SNX29: variants seen among roughly 807,000 people sequenced by gnomAD.
The protein encoded by SNX29 is sorting nexin 29.
A neutral mutation model predicts 102.1 loss-of-function variants in SNX29; 78 were observed. The ratio of observed to expected loss-of-function variants is 0.76; its 90% CI spans 0.64 to 0.92. The LOEUF (loss-of-function observed/expected upper bound fraction) is 0.92. SNX29 is among the 40% of genes least tolerant of loss of function. The pLI, the probability that SNX29 is intolerant of heterozygous loss-of-function variation, is 0.00. For missense variants in SNX29, 1,280 were observed against 1,061.7 expected (o/e 1.21, Z -2.86); for synonymous variants, 580 against 414.5 (o/e 1.40, Z -4.85).
intron 15 of SNX29, among the ~76,000 whole-genome samples, chr16:12,309,888 C>T (rs2080472927): frequency 6.6e-6 from 1 of 152,182 alleles, no homozygotes. Flanking sequence ...TGTGTATCCC[C>T]TCAACTCTGC....
chr16:12,065,293 C>G (rs771737295), intron 9 of SNX29, among the ~76,000 whole-genome samples: 5 of 152,126 alleles, frequency 3.3e-5, no homozygotes, highest in African/African-American at 1.2e-4. Context: ...CTGAGCAAAG[C>G]AAATTCACCA....
chr16:12,496,554 A>G (rs1037195700), intron 19 of SNX29, among the ~76,000 whole-genome samples: 2 of 128,798 alleles, frequency 1.6e-5, no homozygotes, highest in African/African-American at 3.2e-5. Context: ...TCTGTTTCCC[A>G]GGCTAGAGTG....
At chr16:12,384,951 A>T (rs997425550) in intron 16 of SNX29, among the ~76,000 whole-genome samples, 1 of 152,182 alleles carries the variant, frequency 6.6e-6, no homozygotes, top group African/African-American at 2.4e-5. Flanking sequence ...CAGGTGGATC[A>T]CCTGAGGTCA....
intron 19 of SNX29, among the ~76,000 whole-genome samples, chr16:12,518,877 T>G (rs2089982102): frequency 6.6e-6 from 1 of 152,224 alleles, no homozygotes; most frequent in African/African-American, 2.4e-5. Flanking sequence ...TGCAGGTCTC[T>G]GACAGCCTCA....
rs79687561 is a variant in SNX29 at position 12,276,513 on chromosome 16, A to G, written c.1679-1420A>G. 8.3e-3 allele frequency among the ~76,000 whole-genome samples: 1,263 copies of G among 152,202 alleles called. 10 individuals are homozygous for G. Among genetic ancestry groups the G allele is most frequent in the African/African-American group, 0.01 (434 of 41,526 alleles). On this transcript the variant is annotated intron_variant, in intron 14 of 20. Coordinates refer to ENST00000566228, the MANE Select transcript of SNX29 (RefSeq NM_032167.5). ...GACTTTCACCTTCTTCCTGAAGGCT[A>G]CCCGCATCACTGGGGGGCTAGTCTC...
At chr16:12,519,720 G>A (rs1270929176) in intron 19 of SNX29, among the ~76,000 whole-genome samples, 1 of 152,200 alleles carries the variant, frequency 6.6e-6, no homozygotes, top group Non-Finnish European at 1.5e-5. Context: ...AATCCGTGAT[G>A]TCTCACACCT....
At position 12,572,339 on chromosome 16, in the gene SNX29, G is replaced by A. The variant is rs980526508; in HGVS notation, c.*3710G>A. The A allele has an allele frequency of 8.5e-6, 9 of 1,063,066 alleles. No homozygotes were observed. The highest frequency in any genetic ancestry group is 1.6e-5 in the African/African-American group (1 of 60,952). 65.9% of individuals were successfully genotyped at this position (1,063,066 alleles called of 1,614,324 possible). ...AAACAGGAGTGAAGCCCACCAGCCTGCCTGGTTGATGGACAGCAGGCTCTG... is the reference window on the plus strand; with the variant it reads ...AAACAGGAGTGAAGCCCACCAGCCTACCTGGTTGATGGACAGCAGGCTCTG... On this transcript the variant is annotated 3_prime_UTR_variant, in exon 21 of 21. Transcript: ENST00000566228.
chr16:12,211,868 A>T (rs2077193205), intron 14 of SNX29, among the ~76,000 whole-genome samples: 1 of 152,304 alleles, frequency 6.6e-6, no homozygotes, highest in Non-Finnish European at 1.5e-5. Flanking sequence ...TGTTAATCTC[A>T]TTTAAAAAAT....
intron 14 of SNX29, among the ~76,000 whole-genome samples, chr16:12,276,556 C>T (rs1596726277): frequency 6.6e-6 from 1 of 152,214 alleles, no homozygotes; most frequent in South Asian, 2.1e-4. Flanking sequence ...TGTTTAGCCT[C>T]ACTGCCCCTC....
chr16:12,510,896 G>T (rs768832497), intron 19 of SNX29, among the ~76,000 whole-genome samples: 1 of 152,156 alleles, frequency 6.6e-6, no homozygotes, highest in Non-Finnish European at 1.5e-5. Context: ...GTGGAGGGTA[G>T]AAGGAGTCAT....
chr16:12,188,901 T>G (rs1429113520), intron 13 of SNX29, among the ~76,000 whole-genome samples: 1 of 152,194 alleles, frequency 6.6e-6, no homozygotes, highest in East Asian at 1.9e-4. Context: ...AAAGGAAAAG[T>G]TACCCAGACT....
chr16:12,462,167 G>C (rs1247656990), intron 18 of SNX29, among the ~76,000 whole-genome samples: 7 of 151,230 alleles, frequency 4.6e-5, no homozygotes. Context: ...CATAGGTCTA[G>C]TCCCCAGCGA....
intron 9 of SNX29, among the ~76,000 whole-genome samples, chr16:12,068,055 T>C (rs2051118144): frequency 1.3e-5 from 2 of 152,182 alleles, no homozygotes; most frequent in South Asian, 4.1e-4. Context: ...TGCTGCCCTC[T>C]ACTGTCTGAT....
intron 18 of SNX29, among the ~76,000 whole-genome samples, chr16:12,447,363 G>C (rs1452039515): frequency 2.6e-5 from 4 of 152,012 alleles, no homozygotes; most frequent in African/African-American, 7.2e-5. Context: ...GATTTTTGTT[G>C]TTAGCGGAAT....
chr16:12,369,502 G>A (rs1044999907), intron 16 of SNX29, among the ~76,000 whole-genome samples: 2 of 152,148 alleles, frequency 1.3e-5, no homozygotes, highest in Non-Finnish European at 1.5e-5. Context: ...GGGCAACCGC[G>A]TGGGACTCCT....
chr16:12,065,392 C>A (rs1243348291), intron 9 of SNX29, among the ~76,000 whole-genome samples: 2 of 152,198 alleles, frequency 1.3e-5, no homozygotes, highest in South Asian at 2.1e-4. Context: ...CCTGTCAGTA[C>A]AAGGTGATAT....
chr16:12,543,888 C>T (rs756843858), intron 20 of SNX29, among the ~76,000 whole-genome samples: 39 of 152,186 alleles, frequency 2.6e-4, no homozygotes, highest in Middle Eastern at 3.2e-3. Context: ...CAAGAGCTTG[C>T]GTATTCCTTC....
intron 15 of SNX29, among the ~76,000 whole-genome samples, chr16:12,295,959 C>T (rs1283177619): frequency 6.6e-5 from 10 of 152,346 alleles, no homozygotes; most frequent in African/African-American, 2.4e-4. Context: ...AACAGTTCTT[C>T]TCCTCAAAAT....
At chr16:12,565,602 C>G (rs1056341525) in intron 20 of SNX29, among the ~76,000 whole-genome samples, 2 of 152,208 alleles carry the variant, frequency 1.3e-5, no homozygotes, top group Admixed American at 6.5e-5. Context: ...CCTACACTCA[C>G]TGGGACTTCC....
Sources: allele counts gnomAD v4.1 joint callset (sites outside exome capture counted in the v4.1 genomes callset), GRCh38; gene constraint gnomAD v4.1.1; transcripts MANE v1.5; gene names NCBI Gene and HGNC (gene_info 2026-07-23, HGNC 2026-07-21).